AK8: variants seen among roughly 807,000 people sequenced by gnomAD.
The protein encoded by AK8 is adenylate kinase 8.
AK8 carries 44 observed loss-of-function variants against 54.6 expected under a neutral mutation model. The ratio of observed to expected loss-of-function variants is 0.81; its 90% CI spans 0.63 to 1.04. The LOEUF (loss-of-function observed/expected upper bound fraction) is 1.04. Among genes scored for constraint, AK8 ranks in the 50% least tolerant of loss-of-function variants. The pLI is 0.00. For missense variants in AK8, 555 were observed against 613.6 expected, an observed-to-expected ratio of 0.90 and a Z score of 1.01; for synonymous variants, 239 against 245.6, an observed-to-expected ratio of 0.97 and a Z score of 0.25.
chr9:132,797,761 CCT>C (rs1840242096), intron 10 of AK8, among the ~76,000 whole-genome samples: 1 of 152,082 alleles, frequency 6.6e-6, no homozygotes, highest in African/African-American at 2.4e-5. Flanking sequence ...TGAAATGGCC[CCT>C]GTGAGAGACC....
intron 5 of AK8, among the ~76,000 whole-genome samples, chr9:132,833,803 C>T (rs966041889): frequency 1.3e-5 from 2 of 152,280 alleles, no homozygotes; most frequent in African/African-American, 4.8e-5. Context: ...CGGCACGAGC[C>T]GTCCGGCTTT....
rs186204327 is a variant in AK8 at position 132,786,896 on chromosome 9, C to G, written c.1121+5738G>C. ...AAATCAAATATGTCATTAACATTTT[C>G]AAGAGATAAAAAAACCATGAAATAA... On this transcript the variant is annotated intron_variant, in intron 11 of 12. Transcript: ENST00000298545. 1.9e-3 allele frequency among the ~76,000 whole-genome samples: 289 copies of G among 152,018 alleles called. 2 individuals carry two copies. The highest frequency in any genetic ancestry group is 5.6e-3 in the African/African-American group (234 of 41,458).
intron 5 of AK8, among the ~76,000 whole-genome samples, chr9:132,844,032 T>C (rs973766398): frequency 2.6e-5 from 4 of 152,098 alleles, no homozygotes; most frequent in African/African-American, 9.7e-5. Flanking sequence ...ATGGTCAAGG[T>C]AAAATTTAGA....
rs749851908 is a variant in AK8, at chr9:132,816,078, G to A, written c.890-1351C>T. On this transcript the variant is annotated intron_variant, in intron 9 of 12. Transcript: ENST00000298545. The stretch of plus-strand genomic sequence containing the variant: ...GAGAATAAAGGCTGCTGGGAGCTAG[G>A]CGCAGTGGCTCATGCCTGTAATCCC... 1.3e-4 allele frequency among the ~76,000 whole-genome samples: 20 copies of A among 152,214 alleles called. 1 individual carries two copies. Among genetic ancestry groups the A allele is most frequent in the Non-Finnish European group, 1.8e-4 (12 of 68,040 alleles).
chr9:132,827,131 T>C, intron 7 of AK8, 77 bp from the exon 8 acceptor site: 1 of 1,495,614 alleles, frequency 6.7e-7, no homozygotes, highest in African/African-American at 1.4e-5. Context: ...GCTGGGGTGC[T>C]TGCTGTCCTG....
intron 11 of AK8, among the ~76,000 whole-genome samples, chr9:132,764,054 T>G (rs1481756512): frequency 2.0e-5 from 3 of 152,248 alleles, no homozygotes; most frequent in Non-Finnish European, 4.4e-5. Flanking sequence ...AATCCTGTCC[T>G]AGCATTTTGG....
At chr9:132,793,386 A>G (rs532483601) in intron 10 of AK8, among the ~76,000 whole-genome samples, 229 of 152,224 alleles carry the variant, frequency 1.5e-3, no homozygotes, top group Non-Finnish European at 2.7e-3. Flanking sequence ...CATAGCAACC[A>G]CTATGGGCCC....
In AK8 at chr9:132,786,653, G is replaced by T. The variant is rs76089608; in HGVS notation, c.1121+5981C>A. ...CCCAATGATACCACCCTACAGTGAA[G>T]ACTAAACCTGTGGGCTCTTTCCATG... On this transcript the variant is annotated intron_variant, in intron 11 of 12. Coordinates refer to ENST00000298545, the MANE Select transcript of AK8 (RefSeq NM_152572.3). 9.0e-3 allele frequency among the ~76,000 whole-genome samples: 1,365 copies of T among 152,310 alleles called. 20 individuals are homozygous for T. The highest frequency in any genetic ancestry group is 0.016 in the Admixed American group (238 of 15,304).
chr9:132,842,158 G>C (rs1842570012), intron 5 of AK8, among the ~76,000 whole-genome samples: 1 of 152,234 alleles, frequency 6.6e-6, no homozygotes, highest in Admixed American at 6.5e-5. Flanking sequence ...TATGTTCCTA[G>C]TGTTGAAACC....
chr9:132,878,056 C>T lies in AK8; in HGVS notation c.84+116G>A. The T allele has an allele frequency of 6.5e-7, 1 of 1,536,056 alleles. No homozygotes were observed. The highest frequency in any genetic ancestry group is 1.4e-5 in the African/African-American group (1 of 72,652). ...CACGAATCGTACATCCCGAGTTGGG[C>T]TGCTTCGTGGGCGCGCGACTCGGCC... On this transcript the variant is annotated intron_variant, in intron 1 of 12. Coordinates refer to ENST00000298545, the MANE Select transcript of AK8 (RefSeq NM_152572.3). The surrounding 1 kb of genome is among the most constrained non-coding windows in gnomAD (Gnocchi z 4.7).
intron 11 of AK8, among the ~76,000 whole-genome samples, chr9:132,773,408 G>A (rs933617690): frequency 9.9e-5 from 15 of 152,016 alleles, no homozygotes; most frequent in Admixed American, 3.3e-4. Flanking sequence ...CCAGCTGCCC[G>A]TCTTCCCTAT....
chr9:132,756,628 T>G (rs1435133204), intron 11 of AK8, among the ~76,000 whole-genome samples: 2 of 152,142 alleles, frequency 1.3e-5, no homozygotes, highest in Non-Finnish European at 2.9e-5. Flanking sequence ...TCACGGGAAA[T>G]GCCGGCATCT....
rs1276669800 is a variant in AK8, at chr9:132,791,216, C to T, written c.1121+1418G>A. On this transcript the variant is annotated intron_variant, in intron 11 of 12. Transcript: ENST00000298545. This position sits in a 1 kb window ranked among gnomAD's most constrained non-coding sequence, Gnocchi z 4.0. ...GGGAAGCAAGGCACATCTTACATGGCAGCAGGAGAGAGACAGAGAGAGAGC... is the reference window on the plus strand; with the variant it reads ...GGGAAGCAAGGCACATCTTACATGGTAGCAGGAGAGAGACAGAGAGAGAGC... Among the ~76,000 whole-genome samples the T allele has an allele frequency of 6.6e-6, 1 of 152,142 alleles. No homozygotes were observed.
intron 11 of AK8, among the ~76,000 whole-genome samples, chr9:132,744,003 G>A (rs1207608122): frequency 6.6e-6 from 1 of 152,206 alleles, no homozygotes; most frequent in Non-Finnish European, 1.5e-5. Context: ...GAGGGACAGT[G>A]AACCTGCCGG....
At chr9:132,792,556 G>A in intron 11 of AK8, 78 bp downstream of exon 11, 1 of 1,485,448 alleles carries the variant, frequency 6.7e-7, no homozygotes. Context: ...TGTGTAACCT[G>A]GACCCCTTCA....
At chr9:132,739,441 CAAAAAAAAAAAAAAAAAAAA>C (rs768297504) in intron 11 of AK8, among the ~76,000 whole-genome samples, 17 of 31,172 alleles carry the variant, frequency 5.5e-4, no homozygotes, top group East Asian at 9.8e-4. Flanking sequence ...GACTCTGTCT[CAAAAAAAAAAAAAAAAAAAA>C]AAAAAAAAAA....
chr9:132,737,317 A>G (rs1172036316), intron 11 of AK8, among the ~76,000 whole-genome samples: 1 of 152,220 alleles, frequency 6.6e-6, no homozygotes, highest in Non-Finnish European at 1.5e-5. Context: ...GACAGTATTA[A>G]TTCTACACAA....
intron 11 of AK8, among the ~76,000 whole-genome samples, chr9:132,761,264 C>CTTTTTTTTTTTT (rs1271795125): frequency 1.0e-5 from 1 of 100,102 alleles, no homozygotes; most frequent in African/African-American, 5.2e-5. Flanking sequence ...CTTTTCTTTT[C>CTTTTTTTTTTTT]TTTTCTTTTT....
intron 11 of AK8, among the ~76,000 whole-genome samples, chr9:132,736,101 G>A (rs950863004): frequency 1.5e-4 from 23 of 151,940 alleles, no homozygotes; most frequent in African/African-American, 5.6e-4. Context: ...AATCTTATGG[G>A]ACCACCATTG....
Sources: gnomAD v4.1 joint callset for allele counts (sites outside exome capture counted in the v4.1 genomes callset) on GRCh38, gnomAD v4.1.1 for gene constraint, Gnocchi (gnomAD v3.1) non-coding constraint, MANE v1.5 for transcripts, NCBI Gene and HGNC (gene_info 2026-07-23, HGNC 2026-07-21) for gene names.